Variants in LAMA3 observed in about 807,000 individuals in gnomAD.
LAMA3 encodes laminin subunit alpha 3.
LAMA3 carries 281 observed loss-of-function variants against 402.0 expected under a neutral mutation model. The ratio of observed to expected loss-of-function variants is 0.70; its 90% CI spans 0.63 to 0.77. The LOEUF (loss-of-function observed/expected upper bound fraction) is 0.77. LAMA3 is among the 30% of genes least tolerant of loss of function. The pLI is 0.00. For missense variants in LAMA3, 3,840 were observed against 4,215.5 expected (o/e 0.91, Z 2.47); for synonymous variants, 1,431 against 1,558.4 (o/e 0.92, Z 1.93).
rs2081536920 is a variant in LAMA3 at position 23,914,394 on chromosome 18, G to A, written c.7330-16G>A. 6.2e-7 allele frequency: 1 copy of A among 1,613,926 alleles called. No individual in the cohort carries two copies. The highest frequency in any genetic ancestry group is 1.7e-5 in the Admixed American group (1 of 59,990). ...ACCACAATGTGAAGTGTTCTGAGGT[G>A]GCCCTTTGTCTCCAGGCCTCCCGGG... On this transcript the variant is annotated splice_polypyrimidine_tract_variant and intron_variant, in intron 56 of 74. Transcript: ENST00000313654.
chr18:23,904,773 A>G (rs2081190034), intron 51 of LAMA3, 79 bp downstream of exon 51: 2 of 1,414,510 alleles, frequency 1.4e-6, no homozygotes, highest in African/African-American at 2.8e-5. Flanking sequence ...GTGGGCTCCA[A>G]GGAATAGAAA....
chr18:23,824,449 T>A lies in LAMA3; in HGVS notation c.2455T>A (p.Phe819Ile). 1 of 1,614,152 alleles carries A rather than the reference T, an allele frequency of 6.2e-7. No homozygotes were observed. The highest frequency in any genetic ancestry group is 1.1e-5 in the South Asian group (1 of 91,084). ...WGAAQSKEII[F>I]LPSKEPAFVT... is the part of the protein sequence containing the mutation. ...TGCTGCTCAAAGCAAAGAGATCATCTTCCTGCCGAGTAAGGAGCCAGCCTT... is the reference window on the plus strand; with the variant it reads ...TGCTGCTCAAAGCAAAGAGATCATCATCCTGCCGAGTAAGGAGCCAGCCTT... Residue 819 changes from phenylalanine to isoleucine, a missense_variant, in exon 21 of 75, where the codon TTC becomes ATC. Phe to Ile is a conservative substitution (Grantham distance 21, BLOSUM62 0). Transcript: ENST00000313654.
intron 1 of LAMA3, among the ~76,000 whole-genome samples, chr18:23,702,009 GGGAGAGAGAGA>G (rs531613653): frequency 1.3e-3 from 203 of 152,242 alleles, no homozygotes; most frequent in African/African-American, 4.6e-3. Context: ...AGATGCAGTG[GGGAGAGAGAGA>G]GGAGAGAGAG....
At chr18:23,775,752 A>G in intron 9 of LAMA3, 40 bp from the exon 10 acceptor site, 2 of 1,612,898 alleles carry the variant, frequency 1.2e-6, no homozygotes, top group Non-Finnish European at 1.7e-6. Flanking sequence ...TGTTAAGTGC[A>G]GTGAAGGACG....
intron 69 of LAMA3, 140 bp from the exon 70 acceptor site, chr18:23,946,004 G>C (rs757062223): frequency 9.7e-6 from 8 of 824,920 alleles, no homozygotes; most frequent in African/African-American, 1.7e-5. Context: ...GATAACCGGA[G>C]GAAAAAATCT....
At chr18:23,920,316 G>A (rs894065210) in intron 60 of LAMA3, among the ~76,000 whole-genome samples, 3 of 152,216 alleles carry the variant, frequency 2.0e-5, no homozygotes, top group East Asian at 1.9e-4. Context: ...AGGGAATCAC[G>A]TGTGCAGACT....
intron 12 of LAMA3, among the ~76,000 whole-genome samples, chr18:23,788,508 A>C (rs1265953081): frequency 6.6e-6 from 1 of 152,014 alleles, no homozygotes; most frequent in Non-Finnish European, 1.5e-5. Context: ...CAAAAAATAC[A>C]TGAGATATAC....
intron 1 of LAMA3, among the ~76,000 whole-genome samples, chr18:23,713,663 G>C (rs902653744): frequency 6.6e-6 from 1 of 152,142 alleles, no homozygotes; most frequent in African/African-American, 2.4e-5. Context: ...AAAGATGGAA[G>C]ATAAATAGAC....
rs2145582400 is a variant in LAMA3 at position 23,953,022 on chromosome 18, C to T, written c.9769C>T (p.Leu3257=). Reference sequence around the variant, plus strand: ...AAAACAACACATCCTGCACCTGGAACTGGACACAGACAGTAGCTACACAGC... The same window carrying T: ...AAAACAACACATCCTGCACCTGGAATTGGACACAGACAGTAGCTACACAGC... ...TIKQHILHLE[L]DTDSSYTAGQ... The change falls in exon 74 of 75, where the codon CTG becomes TTG. Residue 3257 remains leucine (L), a synonymous_variant. Transcript: ENST00000313654. The T allele has an allele frequency of 6.2e-7, 1 of 1,614,186 alleles. No homozygotes were observed. The highest frequency in any genetic ancestry group is 1.1e-5 in the South Asian group (1 of 91,086).
chr18:23,823,912 G>A (rs1009134128), intron 20 of LAMA3, among the ~76,000 whole-genome samples: 2 of 152,046 alleles, frequency 1.3e-5, no homozygotes, highest in Admixed American at 1.3e-4. Context: ...AATCACATAT[G>A]CTGTAGTCCC....
chr18:23,943,691 G>A, intron 68 of LAMA3, 97 bp from the exon 69 acceptor site: 2 of 1,082,504 alleles, frequency 1.8e-6, no homozygotes, highest in South Asian at 2.5e-5. Flanking sequence ...TTGAAAAATG[G>A]GGGTTGGGTG....
At position 23,894,347 on chromosome 18, in the gene LAMA3, T is replaced by C; in HGVS notation, c.5460T>C (p.Asp1820=). ...PKDSSPAEEC[D]DCDSCVMTLL... is the part of the protein sequence containing the mutation. ...ATAGCAGCCCTGCAGAAGAATGTGA[T>C]GGTGAGAAAAGAAAGCCCCTCCTCC... is the stretch of plus-strand genomic sequence containing the variant. Residue 1820 remains aspartate, a splice_region_variant and synonymous_variant, in exon 43 of 75, where the codon GAT becomes GAC. Coordinates refer to ENST00000313654, the MANE Select transcript of LAMA3 (RefSeq NM_198129.4). 6.2e-7 allele frequency: 1 copy of C among 1,613,084 alleles called. No homozygotes were observed. Among genetic ancestry groups the C allele is most frequent in the Non-Finnish European group, 8.5e-7 (1 of 1,179,084 alleles).
At chr18:23,859,008 T>C (rs1269184387) in intron 34 of LAMA3, among the ~76,000 whole-genome samples, 179 bp downstream of exon 34, 1 of 152,206 alleles carries the variant, frequency 6.6e-6, no homozygotes, top group Non-Finnish European at 1.5e-5. Flanking sequence ...TCCTATAAAA[T>C]AGCACACCTT....
chr18:23,830,485 T>C (rs758153781), intron 23 of LAMA3, among the ~76,000 whole-genome samples: 81 of 152,240 alleles, frequency 5.3e-4, no homozygotes, highest in Non-Finnish European at 8.8e-4. Context: ...AGGTTTCCGA[T>C]GAGATCTTTG....
rs1040170993 is a variant in LAMA3, at chr18:23,954,999, T to C, written c.*351T>C. On this transcript the variant is annotated 3_prime_UTR_variant, in exon 75 of 75. Transcript: ENST00000313654. ...AATATATTTTAAAGCACTTTAAGAA[T>C]ATGAAACTTTCATATATGTTAAAGG... is the stretch of plus-strand genomic sequence containing the variant. 2.7e-4 allele frequency: 78 copies of C among 291,284 alleles called. No homozygotes were observed. The highest frequency in any genetic ancestry group is 1.7e-3 in the African/African-American group (77 of 45,234). 18.0% of individuals were successfully genotyped at this position (291,284 alleles called of 1,614,324 possible). A position where few individuals can be genotyped will look rare whatever the true frequency, so the allele number is the denominator to read the frequency against.
rs905653621 is a variant in LAMA3 at position 23,763,301 on chromosome 18, A to G, written c.1064-104A>G. On this transcript the variant is annotated intron_variant, in intron 7 of 74. Transcript: ENST00000313654. ...CCTAAGAGTGTCCTGGGTGTTCCAGAATATACTTTTTTATAGCTCAATTAG... is the reference window on the plus strand; with the variant it reads ...CCTAAGAGTGTCCTGGGTGTTCCAGGATATACTTTTTTATAGCTCAATTAG... 2.4e-5 allele frequency: 20 copies of G among 821,840 alleles called. No homozygotes were observed. In the Admixed American group the frequency reaches 3.5e-4, roughly 14 times the overall value. 50.9% of individuals were successfully genotyped at this position (821,840 alleles called of 1,614,324 possible). A position where few individuals can be genotyped will look rare whatever the true frequency, so the allele number is the denominator to read the frequency against.
chr18:23,747,654 A>C (rs887410700), intron 2 of LAMA3, among the ~76,000 whole-genome samples: 1 of 152,102 alleles, frequency 6.6e-6, no homozygotes, highest in African/African-American at 2.4e-5. Flanking sequence ...TTTAAGATAC[A>C]CTGTAGACTG....
chr18:23,832,434 T>C (rs766338940), intron 23 of LAMA3, among the ~76,000 whole-genome samples: 18 of 152,180 alleles, frequency 1.2e-4, no homozygotes, highest in Non-Finnish European at 2.4e-4. Context: ...TTCAGAGCCT[T>C]TCAGAAGGAA....
chr18:23,955,042 TA>T lies in LAMA3; in HGVS notation c.*400del, dbSNP rs1051339606. On this transcript the variant is annotated 3_prime_UTR_variant, in exon 75 of 75. Coordinates refer to ENST00000313654, the MANE Select transcript of LAMA3 (RefSeq NM_198129.4). ...GTTAAAGGATTATAATTTATGGAATTAAAAAATGCAGTGTAGTCCTTAAATT... is the reference window on the plus strand; with the variant it reads ...GTTAAAGGATTATAATTTATGGAATTAAAAATGCAGTGTAGTCCTTAAATT... The T allele has an allele frequency of 1.1e-5, 3 of 265,444 alleles. No individual in the cohort carries two copies. Among genetic ancestry groups the T allele is most frequent in the African/African-American group, 2.3e-5 (1 of 43,666 alleles). 16.4% of individuals were successfully genotyped at this position (265,444 alleles called of 1,614,324 possible).
Sources: gnomAD v4.1 joint callset for allele counts (sites outside exome capture counted in the v4.1 genomes callset) on GRCh38, gnomAD v4.1.1 for gene constraint, MANE v1.5 for transcripts, NCBI Gene and HGNC (gene_info 2026-07-23, HGNC 2026-07-21) for gene names.